Variants in HSF2BP observed in about 807,000 individuals in gnomAD.
The protein encoded by HSF2BP is heat shock transcription factor 2 binding protein, also known as heat shock factor 2-binding protein.
A neutral mutation model predicts 35.0 loss-of-function variants in HSF2BP; 35 were observed. The ratio of observed to expected loss-of-function variants is 1.00; its 90% confidence interval spans 0.76 to 1.32. HSF2BP has a LOEUF of 1.32. HSF2BP is among the 40% of genes most tolerant of loss of function. The pLI, the probability that HSF2BP is intolerant of heterozygous loss-of-function variation, is 0.00. For synonymous variants in HSF2BP, 114 were observed against 117.4 expected (o/e 0.97, Z 0.18); for missense variants, 326 against 321.7 (o/e 1.01, Z -0.10).
In HSF2BP at chr21:43,633,335, T is replaced by A. The variant is rs753092832; in HGVS notation, c.378A>T (p.Ala126=). Residue 126 remains alanine, a synonymous_variant, in exon 5 of 9, where the codon GCA becomes GCT. Transcript: ENST00000291560. ...QAEYCTEMGA[A]ACTLLWGVSS... ...AGACACCCCACAAGAGGGTACACGC[T>A]GCTGCTCCCATTTCTGTACAATACT... 1 of 1,614,190 alleles carries A rather than the reference T, an allele frequency of 6.2e-7. No individual in the cohort carries two copies. Among genetic ancestry groups the A allele is most frequent in the Non-Finnish European group, 8.5e-7 (1 of 1,180,022 alleles).
At chr21:43,657,968 C>T (rs1360248473) in intron 2 of HSF2BP, 93 bp downstream of exon 2, 10 of 1,524,672 alleles carry the variant, frequency 6.6e-6, no homozygotes, top group Non-Finnish European at 8.8e-6. Context: ...CACGCGACAG[C>T]GAGCCGTCTC....
At chr21:43,657,256 A>C (rs918854325) in intron 2 of HSF2BP, among the ~76,000 whole-genome samples, 1 of 152,178 alleles carries the variant, frequency 6.6e-6, no homozygotes, top group East Asian at 1.9e-4. Context: ...TGTACGCAGC[A>C]GGCTGACACG....
intron 7 of HSF2BP, among the ~76,000 whole-genome samples, chr21:43,609,240 G>A (rs1173357132): frequency 2.0e-5 from 3 of 152,034 alleles, no homozygotes; most frequent in Admixed American, 1.3e-4. Flanking sequence ...TGGTATACGC[G>A]GACATAAAGA....
chr21:43,603,521 A>C (rs2082076764), intron 7 of HSF2BP, among the ~76,000 whole-genome samples: 1 of 152,226 alleles, frequency 6.6e-6, no homozygotes, highest in Non-Finnish European at 1.5e-5. Flanking sequence ...TGGCTGACAG[A>C]GCTCACCCTG....
chr21:43,614,353 G>A (rs2082245640), intron 6 of HSF2BP, among the ~76,000 whole-genome samples: 1 of 145,610 alleles, frequency 6.9e-6, no homozygotes, highest in South Asian at 2.1e-4. Context: ...ACAGAGCAAA[G>A]CCCTGTCTCA....
intron 7 of HSF2BP, among the ~76,000 whole-genome samples, chr21:43,605,009 C>A (rs904454638): frequency 1.3e-5 from 2 of 148,676 alleles, no homozygotes; most frequent in Non-Finnish European, 3.0e-5. Flanking sequence ...ACACATCAGA[C>A]ACCACACACA....
chr21:43,625,501 G>C (rs2082379119), intron 6 of HSF2BP, among the ~76,000 whole-genome samples: 2 of 152,200 alleles, frequency 1.3e-5, no homozygotes, highest in South Asian at 4.2e-4. Context: ...CCTAATTGTG[G>C]TGGGTAAATG....
At chr21:43,608,603 A>G (rs1400283539) in intron 7 of HSF2BP, among the ~76,000 whole-genome samples, 1 of 152,184 alleles carries the variant, frequency 6.6e-6, no homozygotes, top group Non-Finnish European at 1.5e-5. Flanking sequence ...CTTGGTAAAT[A>G]GCCAAAGGAA....
intron 6 of HSF2BP, among the ~76,000 whole-genome samples, chr21:43,614,762 G>GT (rs761554963): frequency 2.1e-4 from 32 of 152,332 alleles, no homozygotes; most frequent in Non-Finnish European, 3.7e-4. Flanking sequence ...TGTTGAACCA[G>GT]TAGGTATAAT....
intron 7 of HSF2BP, among the ~76,000 whole-genome samples, chr21:43,613,149 C>G (rs1030545678): frequency 9.2e-5 from 14 of 152,160 alleles, no homozygotes; most frequent in African/African-American, 3.4e-4. Context: ...TTGCTGGTAG[C>G]AGAAGAGGAA....
At chr21:43,589,398 G>T (rs1007238594) in intron 8 of HSF2BP, among the ~76,000 whole-genome samples, 1 of 152,156 alleles carries the variant, frequency 6.6e-6, no homozygotes, top group Non-Finnish European at 1.5e-5. Flanking sequence ...TTCATGGATT[G>T]TAAGTCTCAA....
chr21:43,599,867 CAAAAA>C (rs11379827), intron 7 of HSF2BP, among the ~76,000 whole-genome samples: 3 of 132,532 alleles, frequency 2.3e-5, no homozygotes, highest in Non-Finnish European at 1.6e-5. Context: ...CTTCCAATGA[CAAAAA>C]AAAAAAAAAA....
At chr21:43,627,424 C>T (rs954384926) in intron 6 of HSF2BP, among the ~76,000 whole-genome samples, 1 of 152,194 alleles carries the variant, frequency 6.6e-6, no homozygotes, top group Non-Finnish European at 1.5e-5. Context: ...ATAAAAGCAG[C>T]TAAACTTACT....
intron 4 of HSF2BP, among the ~76,000 whole-genome samples, chr21:43,636,035 C>T (rs950714387): frequency 3.4e-5 from 5 of 149,204 alleles, no homozygotes; most frequent in African/African-American, 1.2e-4. Flanking sequence ...CATAGTGAGA[C>T]CCCATCTCTA....
chr21:43,589,850 A>T (rs1018633552), intron 8 of HSF2BP, among the ~76,000 whole-genome samples: 1 of 152,212 alleles, frequency 6.6e-6, no homozygotes, highest in African/African-American at 2.4e-5. Context: ...AACAACAACA[A>T]CAACAAAAAC....
At chr21:43,621,489 T>C (rs2082330963) in intron 6 of HSF2BP, among the ~76,000 whole-genome samples, 1 of 150,734 alleles carries the variant, frequency 6.6e-6, no homozygotes. Context: ...ACTGTGCCAC[T>C]GCACTCCAGC....
chr21:43,635,166 T>C (rs1386033018), intron 4 of HSF2BP, among the ~76,000 whole-genome samples: 1 of 152,014 alleles, frequency 6.6e-6, no homozygotes, highest in Non-Finnish European at 1.5e-5. Flanking sequence ...GCAAGACCTA[T>C]ACAATGAAAA....
At chr21:43,582,132 G>A (rs2005298) in intron 8 of HSF2BP, among the ~76,000 whole-genome samples, 1,488 of 79,302 alleles carry the variant, frequency 0.019, no homozygotes, top group East Asian at 0.053. Flanking sequence ...CTGCTGTGGG[G>A]GATGAGGGCC....
intron 6 of HSF2BP, among the ~76,000 whole-genome samples, chr21:43,616,700 G>A (rs758281411): frequency 3.3e-5 from 5 of 152,138 alleles, no homozygotes; most frequent in Non-Finnish European, 5.9e-5. Flanking sequence ...TTGGGAGGCC[G>A]AGGTGGGCGG....
Sources: allele counts gnomAD v4.1 joint callset (sites outside exome capture counted in the v4.1 genomes callset), GRCh38; gene constraint gnomAD v4.1.1; transcripts MANE v1.5; gene names NCBI Gene and HGNC (gene_info 2026-07-23, HGNC 2026-07-21).